WDR1: variants seen among roughly 807,000 people sequenced by gnomAD.
WDR1 encodes the protein WD repeat-containing protein 1.
In WDR1, 21 loss-of-function variants were observed where a neutral mutation model predicts 71.9. The observed-to-expected ratio is 0.29, with a 90% CI of 0.21 to 0.42. The LOEUF is 0.42. WDR1 is among the 10% of genes least tolerant of loss of function. The pLI is 1.00. For synonymous variants in WDR1, 424 were observed against 347.4 expected (o/e 1.22, Z -2.45); for missense variants, 696 against 824.5 (o/e 0.84, Z 1.91).
intron 3 of WDR1, among the ~76,000 whole-genome samples, chr4:10,100,057 C>G (rs1206011854): frequency 6.6e-6 from 1 of 152,252 alleles, no homozygotes; most frequent in African/African-American, 2.4e-5. Context: ...GACTAACTCT[C>G]AAGGCTTCAC....
chr4:10,087,162 C>G (rs112343722), intron 8 of WDR1, among the ~76,000 whole-genome samples: 127 of 152,362 alleles, frequency 8.3e-4, no homozygotes, highest in Middle Eastern at 3.4e-3. Flanking sequence ...TCCGTTTCCT[C>G]CTGCTCCCAT....
intron 14 of WDR1, chr4:10,077,006 ACCC>A (rs1285354640): frequency 2.4e-5 from 9 of 381,074 alleles, no homozygotes; most frequent in African/African-American, 1.8e-4. Context: ...GGAGGGGGAG[ACCC>A]TGGTCCCAGG....
Position 10,097,694 on chromosome 4 carries a change from AAAGT to A in WDR1, c.558+13_558+16del. The A allele has an allele frequency of 2.5e-6, 4 of 1,601,184 alleles. No individual in the cohort carries two copies. In the South Asian group the frequency reaches 3.3e-5, roughly 13 times the overall value. ...TGTACAAACCACAAATTTCACCCAAAAAGTAAGTTCACTTACGCCAATTGTGAAC... is the reference window on the plus strand; with the variant it reads ...TGTACAAACCACAAATTTCACCCAAAAAGTTCACTTACGCCAATTGTGAAC... On this transcript the variant is annotated intron_variant, in intron 5 of 14. Transcript: ENST00000499869.
chr4:10,102,903 T>TAGGCA (rs1352787480), intron 3 of WDR1, among the ~76,000 whole-genome samples: 1 of 147,706 alleles, frequency 6.8e-6, no homozygotes, highest in Non-Finnish European at 1.5e-5. Flanking sequence ...TGCAGATGGC[T>TAGGCA]AGGCAAGGCA....
intron 2 of WDR1, among the ~76,000 whole-genome samples, chr4:10,114,703 G>C (rs1196355559): frequency 1.3e-5 from 2 of 152,318 alleles, no homozygotes; most frequent in Non-Finnish European, 1.5e-5. Flanking sequence ...GAGACTTCCA[G>C]ATCATTACCA....
intron 8 of WDR1, among the ~76,000 whole-genome samples, chr4:10,086,307 C>G (rs564560816): frequency 1.3e-5 from 2 of 152,164 alleles, no homozygotes; most frequent in Non-Finnish European, 2.9e-5. Flanking sequence ...AGCAAGGAGG[C>G]GCTCCCGATT....
Position 10,075,088 on chromosome 4 carries a change from C to G in WDR1, c.*290G>C, listed in dbSNP as rs1764747770. The G allele has an allele frequency of 2.1e-6, 1 of 476,910 alleles. No homozygotes were observed. The allele number at this position is 476,910 out of a possible 1,614,324, so 29.5% of individuals were successfully genotyped here. ...CTGTGTGCTTTGGAGGCTACTGCCT[C>G]TGGAATGTTTCGCATTCTCAAGGTT... On this transcript the variant is annotated 3_prime_UTR_variant, in exon 15 of 15. Coordinates refer to ENST00000499869, the MANE Select transcript of WDR1 (RefSeq NM_017491.5).
rs76364561 is a variant in WDR1 at position 10,085,509 on chromosome 4, C to T, written c.952-979G>A. Among the ~76,000 whole-genome samples, 508 of 152,324 alleles carry T rather than the reference C, an allele frequency of 3.3e-3. 4 individuals are homozygous for T. Among genetic ancestry groups the T allele is most frequent in the African/African-American group, 0.011 (455 of 41,570 alleles). ...GTGGCATCCCACCAGTCCCTTACAG[C>T]GCGGACCTCAGACCAGCACAGCCCC... On this transcript the variant is annotated intron_variant, in intron 8 of 14. Transcript: ENST00000499869.
At position 10,116,338 on chromosome 4, in the gene WDR1, C is replaced by T. The variant is rs372999123; in HGVS notation, c.17-104G>A. 184 of 1,513,744 alleles carry T rather than the reference C, an allele frequency of 1.2e-4. 1 individual carries two copies. In the African/African-American group the frequency reaches 2.3e-3, roughly 19 times the overall value. 93.8% of individuals were successfully genotyped at this position (1,513,744 alleles called of 1,614,324 possible). A position where few individuals can be genotyped will look rare whatever the true frequency, so the allele number is the denominator to read the frequency against. ...CCGGTCTCGGCCGGTCACCTGTTGACTGCGCCGGGAGGGCGGCCTCCACTT... is the reference window on the plus strand; with the variant it reads ...CCGGTCTCGGCCGGTCACCTGTTGATTGCGCCGGGAGGGCGGCCTCCACTT... On this transcript the variant is annotated intron_variant, in intron 1 of 14. Transcript: ENST00000499869.
At position 10,084,431 on chromosome 4, in the gene WDR1, G is replaced by C. The variant is rs541180008; in HGVS notation, c.1039+12C>G. ...AGCGGCTCCGGAGCCAGCTCTTTGA[G>C]TCAAAGGATATTAATGTGTCCGTCG... is the stretch of plus-strand genomic sequence containing the variant. On this transcript the variant is annotated intron_variant, in intron 9 of 14. Transcript: ENST00000499869. 2.9e-5 allele frequency: 47 copies of C among 1,612,824 alleles called. No individual in the cohort carries two copies. In the East Asian group the frequency reaches 9.1e-4, roughly 31 times the overall value.
At chr4:10,085,682 G>T (rs1765181008) in intron 8 of WDR1, among the ~76,000 whole-genome samples, 1 of 152,236 alleles carries the variant, frequency 6.6e-6, no homozygotes, top group Non-Finnish European at 1.5e-5. Flanking sequence ...CCTTCTGGAG[G>T]CCTGCAAGCT....
intron 3 of WDR1, among the ~76,000 whole-genome samples, chr4:10,103,510 G>C (rs982647266): frequency 6.6e-6 from 1 of 151,996 alleles, no homozygotes; most frequent in Non-Finnish European, 1.5e-5. Flanking sequence ...TTACACCAGG[G>C]GTGTTCAATC....
Position 10,116,770 on chromosome 4 carries a change from AGGCG to A in WDR1, c.-108_-105del, listed in dbSNP as rs1180919260. 1 of 1,221,462 alleles carries A rather than the reference AGGCG, an allele frequency of 8.2e-7. No homozygotes were observed. The highest frequency in any genetic ancestry group is 1.0e-6 in the Non-Finnish European group (1 of 973,418). The allele number at this position is 1,221,462 out of a possible 1,614,324, so 75.7% of individuals were successfully genotyped here. On this transcript the variant is annotated 5_prime_UTR_variant, in exon 1 of 15. Transcript: ENST00000499869. ...GCCGAGCCCGGGGACTGGAGCCGGA[AGGCG>A]GCACCGGGCGTGCCGGGAGTGGAGT...
At chr4:10,099,184 G>GGGGT (rs1578437808) in intron 3 of WDR1, 45 bp from the exon 4 acceptor site, 6 of 450,124 alleles carry the variant, frequency 1.3e-5, no homozygotes, top group East Asian at 5.6e-5. Context: ...CGGTGGTGGG[G>GGGGT]TAAAGGGCAG....
intron 2 of WDR1, among the ~76,000 whole-genome samples, chr4:10,105,329 TG>T (rs1390880531): frequency 1.3e-5 from 2 of 152,154 alleles, no homozygotes; most frequent in East Asian, 1.9e-4. Context: ...ATAAGTGGTT[TG>T]GGGGAGAAAA....
chr4:10,088,542 TGG>T lies in WDR1; in HGVS notation c.636+120_636+121del, dbSNP rs551432785. On this transcript the variant is annotated intron_variant, in intron 6 of 14. Transcript: ENST00000499869. ...GGCTCTGACGACGAGTCTGCAGATG[TGG>T]GGAGGGCGATGTCTAAGTTCTGCAT... 2,137 of 1,125,534 alleles carry T rather than the reference TGG, an allele frequency of 1.9e-3. 6 individuals carry two copies. Among genetic ancestry groups the T allele is most frequent in the Non-Finnish European group, 1.8e-3 (1,352 of 758,382 alleles). 69.7% of individuals were successfully genotyped at this position (1,125,534 alleles called of 1,614,324 possible).
At chr4:10,112,808 C>G (rs908383428) in intron 2 of WDR1, among the ~76,000 whole-genome samples, 1 of 152,206 alleles carries the variant, frequency 6.6e-6, no homozygotes, top group Non-Finnish European at 1.5e-5. Flanking sequence ...CACTGAGCAC[C>G]TACTGTGTGC....
At chr4:10,114,888 C>T (rs903524442) in intron 2 of WDR1, among the ~76,000 whole-genome samples, 1 of 152,222 alleles carries the variant, frequency 6.6e-6, no homozygotes, top group African/African-American at 2.4e-5. Context: ...AGAGGAACAG[C>T]AGCGACTGCC....
Position 10,083,037 on chromosome 4 carries a change from A to C in WDR1, c.1181T>G (p.Met394Arg). 2 of 1,613,068 alleles carry C rather than the reference A, an allele frequency of 1.2e-6. No individual in the cohort carries two copies. The highest frequency in any genetic ancestry group is 2.7e-5 in the African/African-American group (2 of 75,020). ...GTGCTCTCACCTGTAGTCCCGCAGC[A>C]TGAGGCTGGTGTACCGCACGGTGTC... ...MDDTVRYTSL[M>R]LRDYSGQGVV... is the part of the protein sequence containing the mutation. Residue 394 changes from methionine to arginine, a missense_variant, in exon 10 of 15, where the codon ATG (methionine) becomes AGG (arginine). Physicochemically the swap from Met to Arg is moderately conservative, Grantham distance 91. Coordinates refer to ENST00000499869, the MANE Select transcript of WDR1 (RefSeq NM_017491.5).
Sources: gnomAD v4.1 joint callset for allele counts (sites outside exome capture counted in the v4.1 genomes callset) on GRCh38, gnomAD v4.1.1 for gene constraint, MANE v1.5 for transcripts, NCBI Gene and HGNC (gene_info 2026-07-23, HGNC 2026-07-21) for gene names.